The following TENM2 variants were observed in gnomAD, a reference collection of about 807,000 sequenced individuals.
The protein encoded by TENM2 is teneurin-2.
TENM2 carries 52 observed loss-of-function variants against 245.2 expected under a neutral mutation model. The ratio of observed to expected loss-of-function variants is 0.21; its 90% CI spans 0.17 to 0.27. The LOEUF (loss-of-function observed/expected upper bound fraction) is 0.27, where lower values mean the gene tolerates loss of function less well. Ranked by LOEUF, TENM2 falls within the 10% of genes least tolerant of loss-of-function variation. TENM2 has a pLI of 1.00. For missense variants in TENM2, 3,046 were observed against 3,666.8 expected (o/e 0.83, Z 4.37); for synonymous variants, 1,363 against 1,438.9 (o/e 0.95, Z 1.19).
rs183808522 is a variant in TENM2 at position 167,602,111 on chromosome 5, T to A, written c.502+226638T>A. ...ATGAATACTGCTATGATCATTAAAG[T>A]TGCTGTCGTATTTCTCTTCTCTAGC... On this transcript the variant is annotated intron_variant, in intron 2 of 28. Transcript: ENST00000518659. Among the ~76,000 whole-genome samples, 3 of 152,294 alleles carry A rather than the reference T, an allele frequency of 2.0e-5. No homozygotes were observed. In the East Asian group the frequency reaches 5.8e-4, roughly 29 times the overall value.
At chr5:167,376,461 G>GA (rs1199631593) in intron 2 of TENM2, among the ~76,000 whole-genome samples, 1 of 151,994 alleles carries the variant, frequency 6.6e-6, no homozygotes, top group Non-Finnish European at 1.5e-5. Context: ...ATTTAAAAAA[G>GA]AAAAAGGAAA....
At chr5:167,320,182 T>C (rs1756623844) in intron 1 of TENM2, among the ~76,000 whole-genome samples, 1 of 152,216 alleles carries the variant, frequency 6.6e-6, no homozygotes, top group African/African-American at 2.4e-5. Context: ...GCTATGCTTA[T>C]AGCCTCAGGA....
At chr5:167,490,167 A>C (rs1013903394) in intron 2 of TENM2, among the ~76,000 whole-genome samples, 2 of 152,168 alleles carry the variant, frequency 1.3e-5, no homozygotes, top group Non-Finnish European at 2.9e-5. Flanking sequence ...CCGCAGTTAC[A>C]AAAGTACCCT....
At chr5:168,102,534 G>A (rs1793907556) in intron 9 of TENM2, among the ~76,000 whole-genome samples, 1 of 152,166 alleles carries the variant, frequency 6.6e-6, no homozygotes. Context: ...TTCACATCAA[G>A]AATGCCAAAA....
intron 3 of TENM2, among the ~76,000 whole-genome samples, chr5:167,894,375 C>T (rs185267420): frequency 6.6e-6 from 1 of 152,152 alleles, no homozygotes; most frequent in Middle Eastern, 3.2e-3. Flanking sequence ...AAACCCAGAT[C>T]GTTTATTGTG....
intron 4 of TENM2, among the ~76,000 whole-genome samples, chr5:167,986,130 T>G (rs1434433848): frequency 6.6e-6 from 1 of 152,222 alleles, no homozygotes; most frequent in African/African-American, 2.4e-5. Context: ...TCTAAGCCAA[T>G]TTGAAGCAGA....
At chr5:167,691,943 TGTGG>T (rs1757460388) in intron 2 of TENM2, among the ~76,000 whole-genome samples, 1 of 152,224 alleles carries the variant, frequency 6.6e-6, no homozygotes, top group Non-Finnish European at 1.5e-5. Context: ...AAGTTGCCCG[TGTGG>T]TTAAAGTCTC....
exon 29 of TENM2, chr5:168,262,630 C>T (rs750873010): frequency 1.7e-5 from 27 of 1,596,936 alleles, no homozygotes; most frequent in Non-Finnish European, 2.2e-5. Context: ...AGCAGAAAGC[C>T]AGGGACGGGA....
intron 6 of TENM2, among the ~76,000 whole-genome samples, chr5:168,059,668 T>A (rs1239276010): frequency 6.6e-6 from 1 of 152,052 alleles, no homozygotes; most frequent in Non-Finnish European, 1.5e-5. Flanking sequence ...GGAAGGGGTA[T>A]CAAATGCAGC....
chr5:167,689,128 G>A (rs1757262790), intron 2 of TENM2, among the ~76,000 whole-genome samples: 1 of 152,116 alleles, frequency 6.6e-6, no homozygotes, highest in East Asian at 1.9e-4. Context: ...TTTATTGAGG[G>A]AAACACCTGT....
chr5:167,352,234 T>C (rs1758964031), intron 1 of TENM2, among the ~76,000 whole-genome samples: 1 of 152,198 alleles, frequency 6.6e-6, no homozygotes, highest in Admixed American at 6.5e-5. Context: ...GGACCTGCAC[T>C]CTTTCCTATT....
intron 2 of TENM2, among the ~76,000 whole-genome samples, chr5:167,841,549 G>T (rs146062920): frequency 6.6e-6 from 1 of 152,108 alleles, no homozygotes; most frequent in South Asian, 2.1e-4. Context: ...CTAATTAAGG[G>T]TGAGATCCCC....
At chr5:167,157,035 G>T in the TENM2 span, among the ~76,000 whole-genome samples, 1 of 152,022 alleles carries the variant, frequency 6.6e-6, no homozygotes, top group Non-Finnish European at 1.5e-5. Context: ...TTTCATGCAG[G>T]TGTGCTTCAT....
chr5:167,540,652 TTAAAGA>T (rs1277899787), intron 2 of TENM2, among the ~76,000 whole-genome samples: 1 of 152,106 alleles, frequency 6.6e-6, no homozygotes, highest in Non-Finnish European at 1.5e-5. Flanking sequence ...CACCCCAAAA[TTAAAGA>T]TAAATATCTA....
intron 1 of TENM2, among the ~76,000 whole-genome samples, chr5:167,361,046 C>T (rs761158389): frequency 2.0e-5 from 3 of 152,100 alleles, no homozygotes; most frequent in Admixed American, 6.6e-5. Context: ...AAAAGACATA[C>T]GAATGGGGGT....
At chr5:167,824,579 G>C (rs1325842254) in intron 2 of TENM2, among the ~76,000 whole-genome samples, 14 of 152,188 alleles carry the variant, frequency 9.2e-5, no homozygotes. Context: ...TTCAAGTACT[G>C]AGTTCAGTAA....
At chr5:167,828,288 A>G (rs1317569002) in intron 2 of TENM2, among the ~76,000 whole-genome samples, 2 of 152,152 alleles carry the variant, frequency 1.3e-5, no homozygotes, top group Non-Finnish European at 2.9e-5. Context: ...CTCATCCCTC[A>G]GATCTCAGCT....
intron 2 of TENM2, among the ~76,000 whole-genome samples, chr5:167,487,741 A>C (rs1429312071): frequency 6.6e-6 from 1 of 152,198 alleles, no homozygotes; most frequent in Non-Finnish European, 1.5e-5. Context: ...GTGAGACAAA[A>C]GCTCAGGATC....
Position 167,767,039 on chromosome 5 carries a change from C to T in TENM2, c.503-108947C>T, listed in dbSNP as rs537299955. ...ACAATTACCATATGATCCAAATCCA[C>T]TTTTGTATGTATACTTGTCAAAATG... is the stretch of plus-strand genomic sequence containing the variant. On this transcript the variant is annotated intron_variant, in intron 2 of 28. Transcript: ENST00000518659. 2.4e-4 allele frequency among the ~76,000 whole-genome samples: 37 copies of T among 152,154 alleles called. 1 individual carries two copies. The highest frequency in any genetic ancestry group is 4.7e-4 in the Non-Finnish European group (32 of 68,018).
Sources: gnomAD v4.1 joint callset for allele counts (sites outside exome capture counted in the v4.1 genomes callset) on GRCh38, gnomAD v4.1.1 for gene constraint, MANE v1.5 for transcripts, NCBI Gene and HGNC (gene_info 2026-07-23, HGNC 2026-07-21) for gene names.